The following MYO5B variants were observed in gnomAD, a reference collection of about 807,000 sequenced individuals.
MYO5B encodes the protein unconventional myosin-Vb.
In MYO5B, 143 loss-of-function variants were observed where a neutral mutation model predicts 229.3. That is an observed-to-expected ratio of 0.62 (90% CI 0.54 to 0.72). The LOEUF is 0.72. Among genes scored for constraint, MYO5B ranks in the 30% least tolerant of loss-of-function variants. MYO5B has a pLI of 0.00. For synonymous variants in MYO5B, 918 were observed against 885.2 expected (o/e 1.04, Z -0.66); for missense variants, 2,321 against 2,331.0 (o/e 1.00, Z 0.09).
At chr18:50,084,612 C>A (rs1047214465) in intron 1 of MYO5B, among the ~76,000 whole-genome samples, 5 of 152,184 alleles carry the variant, frequency 3.3e-5, no homozygotes, top group Non-Finnish European at 1.5e-5. Context: ...CCATGTCAAT[C>A]CTAAGCCAAA....
intron 7 of MYO5B, among the ~76,000 whole-genome samples, chr18:49,989,156 G>C (rs944752768): frequency 6.6e-6 from 1 of 152,160 alleles, no homozygotes; most frequent in Non-Finnish European, 1.5e-5. Flanking sequence ...GGCCTGAATA[G>C]AGTTTGATGA....
chr18:49,862,051 G>A (rs960800666), intron 29 of MYO5B, among the ~76,000 whole-genome samples: 9 of 147,528 alleles, frequency 6.1e-5, no homozygotes, highest in Non-Finnish European at 4.5e-5. Flanking sequence ...AGGGTGGAGT[G>A]CAATGGCATG....
intron 29 of MYO5B, among the ~76,000 whole-genome samples, chr18:49,860,288 C>T (rs2024313238): frequency 6.6e-6 from 1 of 152,148 alleles, no homozygotes; most frequent in African/African-American, 2.4e-5. Context: ...GGGCTGAGGG[C>T]AGTGGCAACT....
intron 1 of MYO5B, among the ~76,000 whole-genome samples, chr18:50,085,537 C>G (rs2031311438): frequency 6.6e-6 from 1 of 151,976 alleles, no homozygotes; most frequent in Non-Finnish European, 1.5e-5. Flanking sequence ...ACTAGAAATA[C>G]CATTTGACCC....
At chr18:49,877,321 G>A (rs2024537229) in intron 25 of MYO5B, among the ~76,000 whole-genome samples, 1 of 152,086 alleles carries the variant, frequency 6.6e-6, no homozygotes, top group Non-Finnish European at 1.5e-5. Context: ...AATATTTTTT[G>A]TTGTTCTGAG....
chr18:50,175,187 T>TCA (rs1351481615), intron 1 of MYO5B, among the ~76,000 whole-genome samples: 1 of 152,250 alleles, frequency 6.6e-6, no homozygotes, highest in Non-Finnish European at 1.5e-5. Context: ...TCATGCAGTA[T>TCA]CAGCCTGCCA....
chr18:50,101,699 T>C (rs2031657994), intron 1 of MYO5B, among the ~76,000 whole-genome samples: 3 of 152,154 alleles, frequency 2.0e-5, no homozygotes, highest in Admixed American at 2.0e-4. Context: ...TACCATCTCA[T>C]GCAGATCAGA....
At chr18:50,085,929 G>T (rs1031484754) in intron 1 of MYO5B, among the ~76,000 whole-genome samples, 2 of 151,988 alleles carry the variant, frequency 1.3e-5, no homozygotes, top group Non-Finnish European at 1.5e-5. Context: ...GTGGGGAGAG[G>T]GGGGAGGGAT....
intron 22 of MYO5B, among the ~76,000 whole-genome samples, chr18:49,887,396 G>A (rs1028499237): frequency 6.6e-6 from 1 of 151,998 alleles, no homozygotes; most frequent in African/African-American, 2.4e-5. Context: ...ATATTAGGAG[G>A]ATGTTAAGGG....
At chr18:49,877,721 C>T (rs1209849120) in intron 25 of MYO5B, 42 bp downstream of exon 25, 1 of 1,612,702 alleles carries the variant, frequency 6.2e-7, no homozygotes, top group Non-Finnish European at 8.5e-7. Context: ...AACACACACT[C>T]CCTCTGGAGG....
chr18:49,973,622 T>C (rs1337783300), intron 10 of MYO5B, among the ~76,000 whole-genome samples: 1 of 152,172 alleles, frequency 6.6e-6, no homozygotes, highest in Non-Finnish European at 1.5e-5. Context: ...AACAAGGACC[T>C]AGAAAGAACC....
chr18:49,976,170 C>T (rs2025748603), intron 9 of MYO5B, among the ~76,000 whole-genome samples: 1 of 152,214 alleles, frequency 6.6e-6, no homozygotes. Context: ...GATGTGCCAT[C>T]TCCTAATGAC....
chr18:49,933,930 C>T (rs983990527), intron 16 of MYO5B, among the ~76,000 whole-genome samples: 1 of 152,158 alleles, frequency 6.6e-6, no homozygotes, highest in Admixed American at 6.5e-5. Context: ...GGCTGGAGTG[C>T]AGTGACACAA....
intron 12 of MYO5B, among the ~76,000 whole-genome samples, chr18:49,956,044 C>T (rs1316055827): frequency 6.6e-6 from 1 of 152,234 alleles, no homozygotes; most frequent in East Asian, 1.9e-4. Context: ...TGCATATTCA[C>T]TAATTCAGAT....
intron 1 of MYO5B, among the ~76,000 whole-genome samples, chr18:50,134,589 T>C (rs938356414): frequency 1.2e-3 from 174 of 146,970 alleles, no homozygotes; most frequent in African/African-American, 4.6e-3. Flanking sequence ...AATAAATAAA[T>C]AAATAAATAA....
intron 14 of MYO5B, among the ~76,000 whole-genome samples, chr18:49,948,451 G>A (rs1042338687): frequency 2.0e-5 from 3 of 152,078 alleles, no homozygotes; most frequent in East Asian, 1.9e-4. Flanking sequence ...TAAGGGAGAC[G>A]ATATTGTTTT....
At chr18:49,974,666 C>T (rs762934648) in intron 9 of MYO5B, 51 bp from the exon 10 acceptor site, 44 of 1,584,602 alleles carry the variant, frequency 2.8e-5, no homozygotes, top group Non-Finnish European at 3.6e-5. Flanking sequence ...AGACAAGCCG[C>T]CCCCCACCAA....
chr18:49,874,166 T>C (rs2024489834), intron 26 of MYO5B, among the ~76,000 whole-genome samples: 1 of 152,268 alleles, frequency 6.6e-6, no homozygotes, highest in African/African-American at 2.4e-5. Flanking sequence ...AGATCCTTAA[T>C]ATACATGACA....
At chr18:49,883,015 AC>A (rs2024605421) in intron 22 of MYO5B, among the ~76,000 whole-genome samples, 1 of 152,342 alleles carries the variant, frequency 6.6e-6, no homozygotes, top group South Asian at 2.1e-4. Flanking sequence ...TATGATAAAA[AC>A]ACTCAAACTA....
Sources: allele counts gnomAD v4.1 joint callset (sites outside exome capture counted in the v4.1 genomes callset), GRCh38; gene constraint gnomAD v4.1.1; transcripts MANE v1.5; gene names NCBI Gene and HGNC (gene_info 2026-07-23, HGNC 2026-07-21).